Variants in EFHC2 observed in about 807,000 individuals in gnomAD.
The protein encoded by EFHC2 is EF-hand domain containing 2.
Under a neutral mutation model 52.7 loss-of-function variants are expected in EFHC2, and 18 were observed. The observed-to-expected ratio is 0.34, with a 90% CI of 0.24 to 0.51. EFHC2 has a LOEUF of 0.51. Among genes scored for constraint, EFHC2 ranks in the 20% least tolerant of loss-of-function variants. The pLI, the probability that EFHC2 is intolerant of heterozygous loss-of-function variation, is 0.97. For missense variants in EFHC2, 513 were observed against 562.5 expected (o/e 0.91, Z 0.89); for synonymous variants, 203 against 204.1 (o/e 0.99, Z 0.04).
intron 11 of EFHC2, among the ~76,000 whole-genome samples, chrX:44,197,057 T>G (rs1283653645): frequency 8.9e-6 from 1 of 112,230 alleles, no homozygotes; most frequent in Non-Finnish European, 1.9e-5. Flanking sequence ...GTGCCCACTT[T>G]GTAGGATTGC....
chrX:44,240,943 C>T (rs1454506116), intron 8 of EFHC2, among the ~76,000 whole-genome samples: 2 of 112,130 alleles, frequency 1.8e-5, no homozygotes, highest in East Asian at 5.6e-4. Flanking sequence ...ATAGCAAAGG[C>T]AGACTTTAAG....
intron 13 of EFHC2, among the ~76,000 whole-genome samples, chrX:44,171,933 ACT>A (rs2147275292): frequency 9.1e-6 from 1 of 110,489 alleles, no homozygotes; most frequent in African/African-American, 3.3e-5. Flanking sequence ...TACACCAAAC[ACT>A]CTGCCACAAT....
Position 44,261,139 on chromosome X carries a change from A to G in EFHC2, c.542T>C (p.Ile181Thr), listed in dbSNP as rs763723625. The G allele has an allele frequency of 1.7e-6, 2 of 1,211,257 alleles. No homozygotes were observed. Among genetic ancestry groups the G allele is most frequent in the East Asian group, 3.0e-5 (1 of 33,822 alleles). ...CACTGGGGGATTCACTTTGACCCCTATTTTCCTCAAAAAGTTTCTTGTGAA... is the reference window on the plus strand; with the variant it reads ...CACTGGGGGATTCACTTTGACCCCTGTTTTCCTCAAAAAGTTTCTTGTGAA... ...DAFTRNFLRK[I>T]GVKVNPPVQC... The change falls in exon 4 of 15, where the codon ATA becomes ACA. Residue 181 changes from isoleucine (I) to threonine (T), a missense_variant. Ile to Thr is a moderately conservative substitution (Grantham distance 89, BLOSUM62 -1). Coordinates refer to ENST00000420999, the MANE Select transcript of EFHC2 (RefSeq NM_025184.4).
intron 4 of EFHC2, among the ~76,000 whole-genome samples, chrX:44,251,108 A>G (rs1238094558): frequency 9.4e-6 from 1 of 105,973 alleles, no homozygotes; most frequent in Non-Finnish European, 1.9e-5. Flanking sequence ...GCGTGGTGGC[A>G]GGCACCTGTA....
chrX:44,251,238 C>CAAAAAA (rs746850685), intron 4 of EFHC2, among the ~76,000 whole-genome samples: 9 of 18,307 alleles, frequency 4.9e-4, no homozygotes, highest in Non-Finnish European at 6.0e-4. Context: ...GACTCCATCT[C>CAAAAAA]AAAAAAAAAA....
At chrX:44,217,299 G>T (rs2037159043) in intron 11 of EFHC2, among the ~76,000 whole-genome samples, 1 of 111,560 alleles carries the variant, frequency 9.0e-6, no homozygotes, top group African/African-American at 3.3e-5. Flanking sequence ...TAACCACTGT[G>T]GAGAACAGTT....
Position 44,293,985 on chromosome X carries a change from G to A in EFHC2, c.231+18583C>T, listed in dbSNP as rs893520200. The stretch of plus-strand genomic sequence containing the variant: ...TCCTACACGGGGAATTGTGGGGAAC[G>A]TGCCGTTGGCATATCCAGCCTGCAC... On this transcript the variant is annotated intron_variant, in intron 2 of 14. Coordinates refer to ENST00000420999, the MANE Select transcript of EFHC2 (RefSeq NM_025184.4). 2.7e-5 allele frequency among the ~76,000 whole-genome samples: 3 copies of A among 112,350 alleles called. No individual in the cohort carries two copies. The Admixed American group carries it at 2.8e-4, about 11-fold the overall frequency.
intron 3 of EFHC2, among the ~76,000 whole-genome samples, chrX:44,262,512 CAAA>C (rs749239313): frequency 8.2e-4 from 24 of 29,183 alleles, no homozygotes; most frequent in African/African-American, 2.3e-3. Flanking sequence ...AGCCCTGTCT[CAAA>C]AAAAAAAAAA....
chrX:44,343,652 C>T lies in EFHC2; in HGVS notation c.-64G>A, dbSNP rs777613654. 1 of 1,117,397 alleles carries T rather than the reference C, an allele frequency of 8.9e-7. No individual in the cohort carries two copies. Among genetic ancestry groups the T allele is most frequent in the Non-Finnish European group, 1.2e-6 (1 of 834,695 alleles). The allele number at this position is 1,117,397 out of a possible 1,213,427, so 92.1% of individuals were successfully genotyped here. On this transcript the variant is annotated 5_prime_UTR_variant, in exon 1 of 15. Transcript: ENST00000420999. ...GGGCCCGGCAGGCAGCGGCGCCTCC[C>T]GGCCGTGTTGTTTGGCCCCCACGTT...
chrX:44,178,129 T>TCTCACA (rs779701339), intron 12 of EFHC2, among the ~76,000 whole-genome samples: 16 of 83,951 alleles, frequency 1.9e-4, no homozygotes, highest in African/African-American at 7.0e-4. Flanking sequence ...AGATGCCATA[T>TCTCACA]CACACACACA....
chrX:44,224,694 G>A (rs754098068), intron 11 of EFHC2, among the ~76,000 whole-genome samples: 3 of 112,514 alleles, frequency 2.7e-5, no homozygotes, highest in Non-Finnish European at 5.6e-5. Flanking sequence ...TGATACACTG[G>A]GTTCTGGAGG....
At chrX:44,308,329 T>TA (rs1396534984) in intron 2 of EFHC2, among the ~76,000 whole-genome samples, 2 of 110,189 alleles carry the variant, frequency 1.8e-5, no homozygotes, top group East Asian at 5.7e-4. Flanking sequence ...AGCTCCCACA[T>TA]ATAAGTGCTT....
intron 11 of EFHC2, among the ~76,000 whole-genome samples, chrX:44,219,147 A>AAAAAG (rs1448490727): frequency 4.8e-5 from 5 of 103,854 alleles, no homozygotes; most frequent in African/African-American, 1.7e-4. Context: ...CCTATAGTTA[A>AAAAAG]AAAAAAAAAA....
chrX:44,223,258 C>G (rs2037207720), intron 11 of EFHC2, among the ~76,000 whole-genome samples: 1 of 112,186 alleles, frequency 8.9e-6, no homozygotes, highest in Admixed American at 9.4e-5. Flanking sequence ...TCAAAGGAGC[C>G]CAGCCTTCAG....
At chrX:44,225,594 C>G (rs1241225035) in intron 11 of EFHC2, 7 of 112,620 alleles carry the variant, frequency 6.2e-5, no homozygotes, top group Non-Finnish European at 1.1e-4. Context: ...GCCTATGCTG[C>G]AGTCCTGCCT....
intron 3 of EFHC2, among the ~76,000 whole-genome samples, chrX:44,267,191 A>G (rs1209622836): frequency 8.9e-6 from 1 of 112,409 alleles, no homozygotes; most frequent in East Asian, 2.8e-4. Flanking sequence ...TTAGACAATT[A>G]GAGGTAAAAC....
intron 4 of EFHC2, among the ~76,000 whole-genome samples, chrX:44,251,597 T>TAAAAAAAA (rs566022760): frequency 8.0e-5 from 1 of 12,553 alleles, no homozygotes; most frequent in Non-Finnish European, 1.5e-4. Flanking sequence ...CAATACTCTG[T>TAAAAAAAA]AAAAAAAAAA....
intron 4 of EFHC2, among the ~76,000 whole-genome samples, chrX:44,250,825 G>GAAAAAAAAAAAAAAAAA (rs752731813): frequency 4.3e-5 from 2 of 46,980 alleles, no homozygotes; most frequent in Admixed American, 2.4e-4. Context: ...ACTCCATTTC[G>GAAAAAAAAAAAAAAAAA]AAAAAAAAAA....
intron 14 of EFHC2, among the ~76,000 whole-genome samples, chrX:44,150,236 A>G (rs2036559460): frequency 8.9e-6 from 1 of 112,084 alleles, no homozygotes; most frequent in African/African-American, 3.2e-5. Context: ...ATGTGATGGA[A>G]TTTTGGAAGC....
Sources: allele counts gnomAD v4.1 joint callset (sites outside exome capture counted in the v4.1 genomes callset), GRCh38; gene constraint gnomAD v4.1.1; transcripts MANE v1.5; gene names NCBI Gene and HGNC (gene_info 2026-07-23, HGNC 2026-07-21).